TRAPPC12: variants seen among roughly 807,000 people sequenced by gnomAD.
TRAPPC12 encodes TPR repeat protein 15.
A neutral mutation model predicts 69.2 loss-of-function variants in TRAPPC12; 61 were observed. The observed-to-expected ratio is 0.88, with a 90% CI of 0.72 to 1.09. The LOEUF (loss-of-function observed/expected upper bound fraction) is 1.09, where lower values mean the gene tolerates loss of function less well. TRAPPC12 is among the 50% of genes least tolerant of loss of function. TRAPPC12 has a pLI of 0.00. For missense variants in TRAPPC12, 1,101 were observed against 1,016.4 expected (o/e 1.08, Z -1.13); for synonymous variants, 469 against 438.9 (o/e 1.07, Z -0.86).
chr2:3,428,786 G>A (rs1303247869), intron 5 of TRAPPC12, among the ~76,000 whole-genome samples: 1 of 152,084 alleles, frequency 6.6e-6, no homozygotes, highest in Non-Finnish European at 1.5e-5. Flanking sequence ...ACGTGCCTGG[G>A]GCCGACCCAG....
At chr2:3,411,698 A>T (rs1662073252) in intron 3 of TRAPPC12, among the ~76,000 whole-genome samples, 1 of 152,258 alleles carries the variant, frequency 6.6e-6, no homozygotes, top group Admixed American at 6.5e-5. Context: ...AAACATTTTA[A>T]TAGCCACATA....
rs766562492 is a variant in TRAPPC12, at chr2:3,421,861, T to C, written c.1165-20T>C. 1.2e-6 allele frequency: 2 copies of C among 1,605,860 alleles called. No homozygotes were observed. Among genetic ancestry groups the C allele is most frequent in the Non-Finnish European group, 8.5e-7 (1 of 1,172,866 alleles). ...TGCCTTGCATGTGTGTTTGGTCACA[T>C]GTTCTGCCGTGTCTTGCAGAGCTGC... On this transcript the variant is annotated intron_variant, in intron 3 of 11. Transcript: ENST00000324266.
chr2:3,461,678 G>T (rs1665509747), intron 8 of TRAPPC12, among the ~76,000 whole-genome samples: 1 of 152,252 alleles, frequency 6.6e-6, no homozygotes, highest in African/African-American at 2.4e-5. Context: ...TAGTCCCACT[G>T]AGGTCAGGTG....
chr2:3,380,847 A>G (rs184389328), intron 1 of TRAPPC12, among the ~76,000 whole-genome samples: 18 of 152,340 alleles, frequency 1.2e-4, no homozygotes, highest in Admixed American at 7.2e-4. Context: ...ATGCCTATGC[A>G]GGGGTGCCAC....
intron 2 of TRAPPC12, chr2:3,389,011 GA>G: frequency 4.4e-6 from 1 of 229,476 alleles, no homozygotes. Flanking sequence ...TTAAAATATG[GA>G]AAAATATATT....
intron 2 of TRAPPC12, among the ~76,000 whole-genome samples, chr2:3,390,527 C>T (rs1660763892): frequency 1.3e-5 from 2 of 152,154 alleles, no homozygotes; most frequent in Admixed American, 1.3e-4. Flanking sequence ...TTTGACTCAC[C>T]TCATCTTTGC....
At chr2:3,411,028 CA>C (rs1461378017) in intron 3 of TRAPPC12, among the ~76,000 whole-genome samples, 2 of 152,132 alleles carry the variant, frequency 1.3e-5, no homozygotes, top group East Asian at 3.9e-4. Flanking sequence ...GACTCCATCT[CA>C]AAAACAAATA....
At chr2:3,430,873 G>T (rs1052608779) in intron 5 of TRAPPC12, among the ~76,000 whole-genome samples, 4 of 151,644 alleles carry the variant, frequency 2.6e-5, no homozygotes, top group Non-Finnish European at 4.4e-5. Flanking sequence ...GGGACCTTCC[G>T]CTGGGTGTGG....
At chr2:3,462,906 A>C (rs775671512) in intron 8 of TRAPPC12, 8 of 471,030 alleles carry the variant, frequency 1.7e-5, no homozygotes, top group South Asian at 1.2e-4. Flanking sequence ...ACATGATGGA[A>C]AGGAGCACGC....
intron 9 of TRAPPC12, among the ~76,000 whole-genome samples, chr2:3,473,388 C>T (rs536553313): frequency 1.3e-5 from 2 of 152,238 alleles, no homozygotes; most frequent in Non-Finnish European, 2.9e-5. Flanking sequence ...AACAGTTTTT[C>T]TGATAAGCTT....
chr2:3,439,302 C>T (rs969273307), intron 5 of TRAPPC12, among the ~76,000 whole-genome samples: 6 of 152,096 alleles, frequency 3.9e-5, no homozygotes, highest in African/African-American at 1.2e-4. Flanking sequence ...TTCTCATTGT[C>T]TGTTTTTTGG....
At chr2:3,406,118 A>T (rs183417831) in intron 3 of TRAPPC12, among the ~76,000 whole-genome samples, 1 of 152,240 alleles carries the variant, frequency 6.6e-6, no homozygotes, top group Admixed American at 6.5e-5. Context: ...AACCTTCCCC[A>T]GAGACGCTTC....
chr2:3,428,641 A>T (rs937067449), intron 5 of TRAPPC12, among the ~76,000 whole-genome samples: 1 of 152,228 alleles, frequency 6.6e-6, no homozygotes, highest in Non-Finnish European at 1.5e-5. Flanking sequence ...ATGTATTTAC[A>T]TGTCAAATCT....
intron 2 of TRAPPC12, 150 bp from the exon 3 acceptor site, chr2:3,401,627 G>A: frequency 2.2e-6 from 1 of 446,534 alleles, no homozygotes; most frequent in Non-Finnish European, 4.0e-6. Context: ...TTAGCTTCTG[G>A]TTAATTGAAG....
intron 8 of TRAPPC12, among the ~76,000 whole-genome samples, chr2:3,461,605 T>TA (rs1665504933): frequency 6.6e-6 from 1 of 152,172 alleles, no homozygotes; most frequent in Non-Finnish European, 1.5e-5. Context: ...TAAAGGAAAT[T>TA]ACGGTTTTCA....
intron 8 of TRAPPC12, among the ~76,000 whole-genome samples, chr2:3,461,283 C>T (rs764458518): frequency 2.6e-5 from 4 of 152,320 alleles, no homozygotes; most frequent in South Asian, 2.1e-4. Context: ...AGGCTGGGTG[C>T]GGGTATAGAT....
chr2:3,398,157 T>C (rs1169320736), intron 2 of TRAPPC12, among the ~76,000 whole-genome samples: 1 of 152,266 alleles, frequency 6.6e-6, no homozygotes, highest in Non-Finnish European at 1.5e-5. Flanking sequence ...TTGTGAGTAA[T>C]GCTACTGTGA....
intron 8 of TRAPPC12, among the ~76,000 whole-genome samples, chr2:3,465,378 C>T (rs908217095): frequency 6.6e-5 from 10 of 152,230 alleles, no homozygotes; most frequent in Middle Eastern, 3.4e-3. Context: ...CCCGCCGTTG[C>T]GATGCGCACA....
At chr2:3,416,020 T>TA in intron 3 of TRAPPC12, among the ~76,000 whole-genome samples, 1 of 152,266 alleles carries the variant, frequency 6.6e-6, no homozygotes, top group South Asian at 2.1e-4. Context: ...CTGGCCCACT[T>TA]ACTTTCATCT....
Sources: allele counts gnomAD v4.1 joint callset (sites outside exome capture counted in the v4.1 genomes callset), GRCh38; gene constraint gnomAD v4.1.1; transcripts MANE v1.5; gene names NCBI Gene and HGNC (gene_info 2026-07-23, HGNC 2026-07-21).